The following SYNE3 variants were observed in gnomAD, a reference collection of about 807,000 sequenced individuals.
The protein encoded by SYNE3 is spectrin repeat containing nuclear envelope family member 3.
Under a neutral mutation model 111.2 loss-of-function variants are expected in SYNE3, and 100 were observed. The observed-to-expected ratio is 0.90, with a 90% CI of 0.77 to 1.06. SYNE3 has a LOEUF of 1.06. SYNE3 is among the 50% of genes least tolerant of loss of function. The pLI, the probability that SYNE3 is intolerant of heterozygous loss-of-function variation, is 0.00. For synonymous variants in SYNE3, 547 were observed against 533.9 expected (o/e 1.02, Z -0.34); for missense variants, 1,160 against 1,240.3 (o/e 0.94, Z 0.97).
chr14:95,433,387 T>G lies in SYNE3; in HGVS notation c.2561A>C (p.Glu854Ala). Residue 854 changes from glutamate to alanine, a missense_variant, in exon 16 of 18, where the codon GAA becomes GCA. By Grantham distance (107) the Glu-to-Ala change is moderately radical (BLOSUM62 -1). Coordinates refer to ENST00000682763, the MANE Select transcript of SYNE3 (RefSeq NM_152592.6). ...GAGGTTCTCAAAGAGATGCTGACCT[T>G]CTGGCACCCGAGCCTCCAGCTCCTG... ...KLQELEARVP[E>A]GQHLFENLLR... is the part of the protein sequence containing the mutation. The G allele has an allele frequency of 1.9e-6, 3 of 1,614,082 alleles. No individual in the cohort carries two copies. The highest frequency in any genetic ancestry group is 2.5e-6 in the Non-Finnish European group (3 of 1,179,970).
intron 1 of SYNE3, among the ~76,000 whole-genome samples, chr14:95,490,995 AGAG>A (rs1374466854): frequency 6.6e-6 from 1 of 152,226 alleles, no homozygotes; most frequent in African/African-American, 2.4e-5. Context: ...CAGCTGGCAC[AGAG>A]GAGGAGGGCA....
chr14:95,433,472 G>T, intron 15 of SYNE3, 63 bp from the exon 16 acceptor site: 1 of 1,592,216 alleles, frequency 6.3e-7, no homozygotes, highest in South Asian at 1.1e-5. Context: ...CACCTGAATG[G>T]TAAGGATGGG....
intron 16 of SYNE3, 145 bp downstream of exon 16, chr14:95,433,115 T>C: frequency 8.3e-7 from 1 of 1,203,882 alleles, no homozygotes; most frequent in Non-Finnish European, 1.1e-6. Flanking sequence ...AGTGTCCCTG[T>C]CCTCTGCCTG....
chr14:95,471,977 G>A (rs1371397202), intron 2 of SYNE3, among the ~76,000 whole-genome samples: 1 of 152,150 alleles, frequency 6.6e-6, no homozygotes, highest in East Asian at 1.9e-4. Context: ...TAGGGTCCTG[G>A]ATGAACAAGC....
intron 10 of SYNE3, 147 bp from the exon 11 acceptor site, chr14:95,443,436 C>A: frequency 2.0e-6 from 2 of 997,312 alleles, no homozygotes; most frequent in Non-Finnish European, 2.9e-6. Context: ...GCGGAAGTAC[C>A]AACCACATGG....
chr14:95,420,133 G>A (rs949782439), intron 17 of SYNE3, among the ~76,000 whole-genome samples: 5 of 149,340 alleles, frequency 3.3e-5, no homozygotes, highest in African/African-American at 1.2e-4. Flanking sequence ...TATAAAACAG[G>A]CTGATTATAA....
At chr14:95,461,688 C>G (rs1430408040) in intron 4 of SYNE3, among the ~76,000 whole-genome samples, 1 of 152,270 alleles carries the variant, frequency 6.6e-6, no homozygotes, top group Non-Finnish European at 1.5e-5. Flanking sequence ...GGGCACTAAC[C>G]TGAACCTAGA....
intron 4 of SYNE3, among the ~76,000 whole-genome samples, chr14:95,465,617 G>A (rs1012226474): frequency 1.3e-5 from 2 of 152,080 alleles, no homozygotes; most frequent in African/African-American, 4.8e-5. Flanking sequence ...AGATGGATGA[G>A]TGAGTCAACA....
rs71132350 is a variant in SYNE3 at position 95,469,531 on chromosome 14, CA to C, written c.145-1565del. On this transcript the variant is annotated intron_variant, in intron 2 of 17. Transcript: ENST00000682763. ...ACAACACAGTGAGACCATGTCTCTA[CA>C]AAAAAAAAAAAAAAAAAAAAAATTA... Among the ~76,000 whole-genome samples the C allele has an allele frequency of 7.8e-3, 778 of 99,440 alleles. 1 individual carries two copies. Among genetic ancestry groups the C allele is most frequent in the East Asian group, 0.027 (59 of 2,184 alleles). The allele number at this position is 99,440 out of a possible 152,430, so 65.2% of individuals were successfully genotyped here.
rs1885699273 is a variant in SYNE3, at chr14:95,430,546, G to GGGTGCA, written c.2727+1527_2727+1532dup. On this transcript the variant is annotated intron_variant, in intron 17 of 17. Coordinates refer to ENST00000682763, the MANE Select transcript of SYNE3 (RefSeq NM_152592.6). ...GCCATTAATAGTTCCATTTTAGGCT[G>GGGTGCA]GGTGCAGTGGCTCATGCCTGTAATC... Among the ~76,000 whole-genome samples the GGGTGCA allele has an allele frequency of 2.0e-5, 3 of 152,354 alleles. No individual in the cohort carries two copies. In the South Asian group the frequency reaches 6.2e-4, roughly 32 times the overall value.
chr14:95,496,813 A>G (rs1890110941), intron 1 of SYNE3, among the ~76,000 whole-genome samples: 3 of 152,346 alleles, frequency 2.0e-5, no homozygotes, highest in African/African-American at 7.2e-5. Context: ...AAATATTTGC[A>G]AAGTTATCAT....
chr14:95,434,874 G>A (rs8021141), intron 15 of SYNE3, among the ~76,000 whole-genome samples: 15,832 of 152,126 alleles, frequency 0.1, 896 homozygotes, highest in Middle Eastern at 0.18. Flanking sequence ...GGCTGGTCTC[G>A]AACTCCTGAC....
At chr14:95,462,781 C>T (rs983519484) in intron 4 of SYNE3, among the ~76,000 whole-genome samples, 1 of 152,230 alleles carries the variant, frequency 6.6e-6, no homozygotes, top group Non-Finnish European at 1.5e-5. Context: ...CTGCAGGGAG[C>T]GCCACCTTAG....
intron 1 of SYNE3, among the ~76,000 whole-genome samples, chr14:95,481,930 A>G (rs900388737): frequency 6.6e-6 from 1 of 152,224 alleles, no homozygotes; most frequent in Non-Finnish European, 1.5e-5. Context: ...CAGCACGTGG[A>G]TTGCCAACTG....
chr14:95,446,473 CCCCACCACTGG>C (rs904287879), intron 8 of SYNE3, among the ~76,000 whole-genome samples: 4 of 152,184 alleles, frequency 2.6e-5, no homozygotes, highest in African/African-American at 4.8e-5. Context: ...TTAGTTGGCT[CCCCACCACTGG>C]CCCACCACAT....
chr14:95,502,965 G>A (rs1302178943), intron 1 of SYNE3, among the ~76,000 whole-genome samples: 2 of 152,162 alleles, frequency 1.3e-5, no homozygotes, highest in South Asian at 2.1e-4. Flanking sequence ...GCTGGAGGTC[G>A]GACTCCCAGC....
intron 1 of SYNE3, among the ~76,000 whole-genome samples, chr14:95,489,664 C>T (rs1889743639): frequency 6.6e-6 from 1 of 152,216 alleles, no homozygotes; most frequent in South Asian, 2.1e-4. Context: ...GTTGCCCAGG[C>T]TGGTCTCAAA....
At chr14:95,431,179 G>A (rs546293315) in intron 17 of SYNE3, among the ~76,000 whole-genome samples, 5 of 152,210 alleles carry the variant, frequency 3.3e-5, no homozygotes, top group Non-Finnish European at 7.3e-5. Flanking sequence ...GTGGCACTAG[G>A]AGACACCGAT....
chr14:95,443,949 C>T (rs1886553686), intron 10 of SYNE3: 1 of 153,390 alleles, frequency 6.5e-6, no homozygotes, highest in Non-Finnish European at 1.5e-5. Context: ...AGGCGTGAGC[C>T]ACCGCTCCCG....
Sources: gnomAD v4.1 joint callset for allele counts (sites outside exome capture counted in the v4.1 genomes callset) on GRCh38, gnomAD v4.1.1 for gene constraint, MANE v1.5 for transcripts, NCBI Gene and HGNC (gene_info 2026-07-23, HGNC 2026-07-21) for gene names.